CCDC91: variants seen among roughly 807,000 people sequenced by gnomAD.
The protein encoded by CCDC91 is coiled-coil domain containing 91.
CCDC91 carries 48 observed loss-of-function variants against 63.2 expected under a neutral mutation model. That is an observed-to-expected ratio of 0.76 (90% CI 0.60 to 0.97). CCDC91 has a LOEUF of 0.97. CCDC91 is among the 50% of genes least tolerant of loss of function. The probability of loss-of-function intolerance (pLI) is 0.00; values close to 1 mark genes in which losing one functional copy is unlikely to be tolerated. For synonymous variants in CCDC91, 167 were observed against 165.8 expected (o/e 1.01, Z -0.06); for missense variants, 500 against 494.6 (o/e 1.01, Z -0.10).
At chr12:28,548,323 G>C (rs1943123463) in intron 12 of CCDC91, among the ~76,000 whole-genome samples, 2 of 152,076 alleles carry the variant, frequency 1.3e-5, no homozygotes. Flanking sequence ...AGGCTGGAGT[G>C]CAGTGGCGCA....
intron 8 of CCDC91, among the ~76,000 whole-genome samples, chr12:28,404,023 T>A (rs1946786131): frequency 6.6e-6 from 1 of 152,010 alleles, no homozygotes; most frequent in Non-Finnish European, 1.5e-5. Context: ...ATTTCATTGA[T>A]TTCTGCTTCT....
At chr12:28,440,908 A>T (rs931151845) in intron 8 of CCDC91, among the ~76,000 whole-genome samples, 1 of 151,672 alleles carries the variant, frequency 6.6e-6, no homozygotes, top group Admixed American at 6.6e-5. Flanking sequence ...AAATACAAAA[A>T]TTAGCCAGGC....
At chr12:28,549,012 A>G in intron 12 of CCDC91, 51 bp from the exon 13 acceptor site, 1 of 1,237,582 alleles carries the variant, frequency 8.1e-7, no homozygotes, top group South Asian at 1.2e-5. Flanking sequence ...TTTATCCTTC[A>G]ACTCAGTATT....
intron 1 of CCDC91, among the ~76,000 whole-genome samples, chr12:28,235,367 G>A (rs1944875090): frequency 6.6e-6 from 1 of 152,034 alleles, no homozygotes; most frequent in Non-Finnish European, 1.5e-5. Context: ...AAAATCCTGA[G>A]AATATTTCTG....
intron 11 of CCDC91, among the ~76,000 whole-genome samples, chr12:28,465,821 C>G (rs1488359530): frequency 6.6e-6 from 1 of 152,054 alleles, no homozygotes; most frequent in Non-Finnish European, 1.5e-5. Context: ...CCCAAATAAA[C>G]TAAATAAGAC....
At position 28,422,006 on chromosome 12, in the gene CCDC91, A is replaced by C. The variant is rs551432144; in HGVS notation, c.763-28155A>C. Among the ~76,000 whole-genome samples the C allele has an allele frequency of 2.6e-5, 4 of 152,234 alleles. No individual in the cohort carries two copies. In the East Asian group the frequency reaches 7.7e-4, roughly 29 times the overall value. ...AATTTGCCTATACATACTTTGTGCT[A>C]CTTGTCTCCTGGAGTCTTGTTTCAC... On this transcript the variant is annotated intron_variant, in intron 8 of 12. Coordinates refer to ENST00000536442, the MANE Select transcript of CCDC91 (RefSeq NM_018318.5).
At chr12:28,387,075 G>A (rs75936630) in intron 7 of CCDC91, among the ~76,000 whole-genome samples, 23 of 152,200 alleles carry the variant, frequency 1.5e-4, no homozygotes, top group South Asian at 6.2e-4. Flanking sequence ...GAATCTCTGT[G>A]TATTATGATA....
At chr12:28,201,856 T>A (rs1024650015) in intron 1 of CCDC91, among the ~76,000 whole-genome samples, 11 of 143,080 alleles carry the variant, frequency 7.7e-5, no homozygotes, top group Non-Finnish European at 1.6e-4. Flanking sequence ...CGAAACCCCG[T>A]CTCCACCAAA....
chr12:28,257,160 C>CTG, intron 1 of CCDC91, 42 bp from the exon 2 acceptor site: 2 of 1,165,976 alleles, frequency 1.7e-6, no homozygotes, highest in East Asian at 2.4e-5. Context: ...ACATAAATGA[C>CTG]TGTGTGTGTG....
chr12:28,237,299 T>C (rs1219690059), intron 1 of CCDC91, among the ~76,000 whole-genome samples: 1 of 150,150 alleles, frequency 6.7e-6, no homozygotes, highest in Admixed American at 6.6e-5. Context: ...GGCAGAATAA[T>C]GTCCTTCAAA....
intron 6 of CCDC91, among the ~76,000 whole-genome samples, chr12:28,336,030 T>C (rs1476759653): frequency 6.6e-6 from 1 of 150,944 alleles, no homozygotes; most frequent in Non-Finnish European, 1.5e-5. Flanking sequence ...TGATTATTGG[T>C]TTATTATCAG....
At chr12:28,370,356 A>T (rs1944538626) in intron 7 of CCDC91, among the ~76,000 whole-genome samples, 1 of 152,172 alleles carries the variant, frequency 6.6e-6, no homozygotes, top group Non-Finnish European at 1.5e-5. Context: ...CAGGGGCAAA[A>T]TGCTGTTGAG....
intron 8 of CCDC91, among the ~76,000 whole-genome samples, chr12:28,410,099 T>G (rs900486759): frequency 1.3e-5 from 2 of 152,198 alleles, no homozygotes; most frequent in Admixed American, 1.3e-4. Context: ...GTGTACTTGT[T>G]CTGCTAGTCA....
chr12:28,452,078 A>AT (rs973416721), intron 10 of CCDC91, among the ~76,000 whole-genome samples: 1 of 151,460 alleles, frequency 6.6e-6, no homozygotes, highest in African/African-American at 2.4e-5. Context: ...ATATCATGCA[A>AT]TTATATTAAT....
chr12:28,507,983 C>T (rs766344936), intron 12 of CCDC91, among the ~76,000 whole-genome samples: 6 of 151,938 alleles, frequency 3.9e-5, no homozygotes, highest in East Asian at 2.0e-4. Context: ...ATACACTGAC[C>T]GTTGATTGGT....
intron 11 of CCDC91, among the ~76,000 whole-genome samples, chr12:28,458,719 C>CAT (rs1318820844): frequency 1.3e-5 from 2 of 151,992 alleles, no homozygotes; most frequent in South Asian, 2.1e-4. Context: ...CCTTGTAATC[C>CAT]ACCCACCTCA....
At chr12:28,546,953 C>T (rs922168173) in intron 12 of CCDC91, among the ~76,000 whole-genome samples, 29 of 151,986 alleles carry the variant, frequency 1.9e-4, no homozygotes, top group African/African-American at 6.8e-4. Flanking sequence ...TTAGAATAAA[C>T]TTACATGTCT....
intron 12 of CCDC91, among the ~76,000 whole-genome samples, chr12:28,491,456 T>C (rs1386916460): frequency 6.6e-6 from 1 of 151,702 alleles, no homozygotes; most frequent in Non-Finnish European, 1.5e-5. Flanking sequence ...CAAGCAATAA[T>C]AGACACCATT....
intron 1 of CCDC91, chr12:28,255,755 G>A (rs1417841317): frequency 4.0e-5 from 6 of 151,754 alleles, no homozygotes; most frequent in African/African-American, 1.5e-4. Context: ...ATATTTTTTA[G>A]TGTCATTACC....
Sources: allele counts gnomAD v4.1 joint callset (sites outside exome capture counted in the v4.1 genomes callset), GRCh38; gene constraint gnomAD v4.1.1; transcripts MANE v1.5; gene names NCBI Gene and HGNC (gene_info 2026-07-23, HGNC 2026-07-21).